ARHGEF37: variants seen among roughly 807,000 people sequenced by gnomAD.
ARHGEF37 encodes the protein Rho guanine nucleotide exchange factor 37.
In ARHGEF37, 55 loss-of-function variants were observed where a neutral mutation model predicts 71.1. The observed-to-expected ratio is 0.77, with a 90% CI of 0.62 to 0.97. The LOEUF (loss-of-function observed/expected upper bound fraction) is 0.97, where lower values mean the gene tolerates loss of function less well. Among genes scored for constraint, ARHGEF37 ranks in the 50% least tolerant of loss-of-function variants. The probability of loss-of-function intolerance (pLI) is 0.00; values close to 1 mark genes in which losing one functional copy is unlikely to be tolerated. For synonymous variants in ARHGEF37, 327 were observed against 350.6 expected (o/e 0.93, Z 0.75); for missense variants, 765 against 836.8 (o/e 0.91, Z 1.06).
intron 12 of ARHGEF37, among the ~76,000 whole-genome samples, chr5:149,629,188 C>G (rs6874995): frequency 0.38 from 57,586 of 151,776 alleles, 11,892 homozygotes; most frequent in Non-Finnish European, 0.47. Context: ...GAACTAACCC[C>G]TTGTTCCTCA....
intron 1 of ARHGEF37, among the ~76,000 whole-genome samples, chr5:149,583,336 C>T (rs576295327): frequency 1.3e-5 from 2 of 152,296 alleles, no homozygotes; most frequent in African/African-American, 2.4e-5. Context: ...GGGGTTTCAC[C>T]GTGTTGCCCA....
At chr5:149,623,392 G>C (rs1752595829) in intron 9 of ARHGEF37, among the ~76,000 whole-genome samples, 1 of 152,182 alleles carries the variant, frequency 6.6e-6, no homozygotes, top group African/African-American at 2.4e-5. Context: ...CAGACACTCT[G>C]CAAATTGAAT....
At chr5:149,623,625 T>C (rs1316834285) in intron 9 of ARHGEF37, among the ~76,000 whole-genome samples, 1 of 152,160 alleles carries the variant, frequency 6.6e-6, no homozygotes, top group East Asian at 1.9e-4. Context: ...CGCTTCCTGA[T>C]TGGTCCATCA....
At chr5:149,613,363 T>A (rs1561802624) in intron 4 of ARHGEF37, among the ~76,000 whole-genome samples, 1 of 151,908 alleles carries the variant, frequency 6.6e-6, no homozygotes, top group Non-Finnish European at 1.5e-5. Context: ...TTTTTTTTTT[T>A]TGAGACGGAG....
intron 4 of ARHGEF37, among the ~76,000 whole-genome samples, chr5:149,612,543 G>A (rs534561586): frequency 1.3e-5 from 2 of 152,318 alleles, no homozygotes; most frequent in South Asian, 4.1e-4. Context: ...AAAAGATAGT[G>A]TCATAGTAAT....
At chr5:149,629,092 G>A in intron 12 of ARHGEF37, 126 bp downstream of exon 12, 1 of 1,263,448 alleles carries the variant, frequency 7.9e-7, no homozygotes, top group East Asian at 2.6e-5. Context: ...TGAGACCAAG[G>A]CCTTGATCAA....
At chr5:149,595,127 G>A (rs1763508326) in intron 1 of ARHGEF37, among the ~76,000 whole-genome samples, 1 of 152,124 alleles carries the variant, frequency 6.6e-6, no homozygotes, top group Admixed American at 6.5e-5. Context: ...TGTAACAATT[G>A]TGTATCTTAC....
chr5:149,620,504 G>A, intron 8 of ARHGEF37, 40 bp downstream of exon 8: 1 of 1,487,786 alleles, frequency 6.7e-7, no homozygotes, highest in Non-Finnish European at 9.3e-7. Context: ...TTGTTAGGCA[G>A]GTGGTAGAGC....
chr5:149,617,206 TC>T (rs1444844492), intron 5 of ARHGEF37, among the ~76,000 whole-genome samples: 4 of 152,224 alleles, frequency 2.6e-5, no homozygotes, highest in African/African-American at 4.8e-5. Flanking sequence ...TATGTGCCCT[TC>T]TTTGAATTAA....
rs1226985666 is a variant in ARHGEF37, at chr5:149,632,353, G to T, written c.*162G>T. The T allele has an allele frequency of 4.0e-6, 3 of 741,638 alleles. No homozygotes were observed. Among genetic ancestry groups the T allele is most frequent in the Non-Finnish European group, 6.5e-6 (3 of 462,438 alleles). 45.9% of individuals were successfully genotyped at this position (741,638 alleles called of 1,614,324 possible). A position where few individuals can be genotyped will look rare whatever the true frequency, so the allele number is the denominator to read the frequency against. On this transcript the variant is annotated 3_prime_UTR_variant, in exon 13 of 13. Coordinates refer to ENST00000333677, the MANE Select transcript of ARHGEF37 (RefSeq NM_001001669.3). ...CAGCCAGAAGACATGGGCGGGCCTC[G>T]CAGAGTGCTTGGTGTGGTGGGGGCA...
At chr5:149,605,243 A>G (rs1400257233) in intron 3 of ARHGEF37, among the ~76,000 whole-genome samples, 1 of 149,624 alleles carries the variant, frequency 6.7e-6, no homozygotes, top group Non-Finnish European at 1.5e-5. Flanking sequence ...AAAAAAAAAG[A>G]AAAGAAAAAA....
intron 1 of ARHGEF37, among the ~76,000 whole-genome samples, chr5:149,576,482 G>T (rs1763030411): frequency 1.3e-5 from 2 of 152,168 alleles, no homozygotes; most frequent in African/African-American, 4.8e-5. Context: ...TGGCTTATAG[G>T]CTCAATAAAG....
chr5:149,558,745 A>T (rs1160862654), intron 1 of ARHGEF37, among the ~76,000 whole-genome samples: 2 of 150,418 alleles, frequency 1.3e-5, no homozygotes, highest in Admixed American at 6.7e-5. Flanking sequence ...GTGTATATAT[A>T]TTTTTATATG....
chr5:149,618,911 C>T (rs746068826), intron 6 of ARHGEF37, 27 bp from the exon 7 acceptor site: 1 of 1,581,246 alleles, frequency 6.3e-7, no homozygotes, highest in South Asian at 1.1e-5. Flanking sequence ...TGTGGATATT[C>T]TCAACCCTCA....
intron 8 of ARHGEF37, among the ~76,000 whole-genome samples, chr5:149,621,484 T>C (rs1168105413): frequency 6.6e-6 from 1 of 152,096 alleles, no homozygotes; most frequent in East Asian, 1.9e-4. Flanking sequence ...ATAATAATGA[T>C]TCAAAGTGCT....
At chr5:149,588,198 TTTTGTTTG>T (rs3073427) in intron 1 of ARHGEF37, among the ~76,000 whole-genome samples, 25 of 140,376 alleles carry the variant, frequency 1.8e-4, no homozygotes, top group South Asian at 4.5e-4. Flanking sequence ...TGCCCGGCCT[TTTTGTTTG>T]TTTGTTTGTT....
Position 149,616,503 on chromosome 5 carries a change from G to T in ARHGEF37, c.459-64G>T. 2.0e-6 allele frequency: 3 copies of T among 1,501,778 alleles called. No individual in the cohort carries two copies. In the Admixed American group the frequency reaches 5.7e-5, roughly 29 times the overall value. The allele number at this position is 1,501,778 out of a possible 1,614,324, so 93.0% of individuals were successfully genotyped here. On this transcript the variant is annotated intron_variant, in intron 4 of 12. Coordinates refer to ENST00000333677, the MANE Select transcript of ARHGEF37 (RefSeq NM_001001669.3). The stretch of plus-strand genomic sequence containing the variant: ...GCTAAATGGTAGAGTGAGGACTACA[G>T]CCCAGGCCCCCTGGTCCTCCAGAGG...
chr5:149,592,433 T>C (rs908850526), intron 1 of ARHGEF37, among the ~76,000 whole-genome samples: 1 of 152,238 alleles, frequency 6.6e-6, no homozygotes, highest in African/African-American at 2.4e-5. Flanking sequence ...TCACATAGCA[T>C]CATGCCCTCG....
intron 1 of ARHGEF37, among the ~76,000 whole-genome samples, chr5:149,560,099 ATGTTTTTTTGTT>A (rs1051482012): frequency 3.3e-5 from 5 of 151,908 alleles, no homozygotes; most frequent in Admixed American, 2.0e-4. Context: ...AAGTAATCTC[ATGTTTTTTTGTT>A]TGTTTTTTTG....
Sources: allele counts gnomAD v4.1 joint callset (sites outside exome capture counted in the v4.1 genomes callset), GRCh38; gene constraint gnomAD v4.1.1; transcripts MANE v1.5; gene names NCBI Gene and HGNC (gene_info 2026-07-23, HGNC 2026-07-21).